Variants in CFAP299 observed in about 807,000 individuals in gnomAD.
CFAP299 encodes the protein cilia- and flagella-associated protein 299.
CFAP299 carries 21 observed loss-of-function variants against 27.0 expected under a neutral mutation model. The ratio of observed to expected loss-of-function variants is 0.78; its 90% confidence interval spans 0.55 to 1.12. The LOEUF is 1.12. Ranked by LOEUF, CFAP299 falls within the 50% of genes most tolerant of loss-of-function variation. CFAP299 has a pLI of 0.00. For synonymous variants in CFAP299, 104 were observed against 98.1 expected, an observed-to-expected ratio of 1.06 and a Z score of -0.36; for missense variants, 310 against 276.6, an observed-to-expected ratio of 1.12 and a Z score of -0.86.
chr4:80,370,814 C>T (rs1337889320), intron 2 of CFAP299, among the ~76,000 whole-genome samples: 1 of 152,244 alleles, frequency 6.6e-6, no homozygotes, highest in African/African-American at 2.4e-5. Context: ...GTGGCTTTTC[C>T]AGGCACAGGG....
chr4:80,851,571 G>C (rs1181403767), intron 3 of CFAP299, among the ~76,000 whole-genome samples: 1 of 152,140 alleles, frequency 6.6e-6, no homozygotes, highest in Non-Finnish European at 1.5e-5. Context: ...AAGAACATCA[G>C]GGTATTTGGG....
chr4:80,844,427 CT>C (rs1015827236), intron 3 of CFAP299, among the ~76,000 whole-genome samples: 45 of 152,246 alleles, frequency 3.0e-4, no homozygotes, highest in Admixed American at 2.2e-3. Context: ...TGTTTCCTGA[CT>C]TTTTAATGAT....
intron 4 of CFAP299, among the ~76,000 whole-genome samples, chr4:80,900,123 AGTGTGTGTGT>A (rs3038537): frequency 5.7e-5 from 8 of 139,894 alleles, no homozygotes; most frequent in South Asian, 2.4e-4. Flanking sequence ...AGTGGAAGAA[AGTGTGTGTGT>A]GTGTGTGTGT....
intron 2 of CFAP299, among the ~76,000 whole-genome samples, chr4:80,527,031 A>G (rs1578555736): frequency 8.2e-6 from 1 of 122,602 alleles, no homozygotes; most frequent in Non-Finnish European, 1.7e-5. Flanking sequence ...TTTCTTATCT[A>G]ATACCTAGGG....
intron 1 of CFAP299, among the ~76,000 whole-genome samples, chr4:80,352,706 T>C (rs1353551259): frequency 7.8e-6 from 1 of 127,920 alleles, no homozygotes; most frequent in East Asian, 2.2e-4. Context: ...ACTGAAATCA[T>C]ACAAAAGTAT....
intron 3 of CFAP299, among the ~76,000 whole-genome samples, chr4:80,659,372 G>T (rs1740718395): frequency 6.6e-6 from 1 of 151,708 alleles, no homozygotes; most frequent in African/African-American, 2.4e-5. Context: ...CACACTGAGA[G>T]ATGATATTTT....
intron 3 of CFAP299, among the ~76,000 whole-genome samples, chr4:80,725,606 A>G (rs1723113780): frequency 6.6e-6 from 1 of 152,210 alleles, no homozygotes; most frequent in African/African-American, 2.4e-5. Context: ...TTCTCTTCAC[A>G]GGTCAGTTTC....
At chr4:80,855,256 G>C (rs1731780370) in intron 3 of CFAP299, among the ~76,000 whole-genome samples, 1 of 152,018 alleles carries the variant, frequency 6.6e-6, no homozygotes, top group Non-Finnish European at 1.5e-5. Flanking sequence ...TCTGAAGTTA[G>C]TATTTTTCAT....
intron 2 of CFAP299, among the ~76,000 whole-genome samples, chr4:80,400,257 G>A (rs1726075323): frequency 6.6e-6 from 1 of 152,012 alleles, no homozygotes; most frequent in Non-Finnish European, 1.5e-5. Context: ...TCAGGCACTG[G>A]GGAGGAGTTT....
chr4:80,757,801 C>T (rs1725324929), intron 3 of CFAP299, among the ~76,000 whole-genome samples: 1 of 151,826 alleles, frequency 6.6e-6, no homozygotes, highest in Admixed American at 6.6e-5. Flanking sequence ...ATTTCCCTGA[C>T]CCCTTTGTGG....
intron 3 of CFAP299, among the ~76,000 whole-genome samples, chr4:80,583,571 T>C (rs1444729345): frequency 6.6e-6 from 1 of 151,918 alleles, no homozygotes; most frequent in African/African-American, 2.4e-5. Context: ...TATAGTACCA[T>C]AGTCTGCCTT....
At chr4:80,571,547 T>G (rs540746516) in intron 2 of CFAP299, among the ~76,000 whole-genome samples, 12 of 152,118 alleles carry the variant, frequency 7.9e-5, no homozygotes, top group Non-Finnish European at 1.8e-4. Flanking sequence ...AGAAAATTAT[T>G]ACATCTTGTT....
chr4:80,736,141 C>G (rs1019874661), intron 3 of CFAP299, among the ~76,000 whole-genome samples: 2 of 152,126 alleles, frequency 1.3e-5, no homozygotes, highest in Non-Finnish European at 2.9e-5. Flanking sequence ...GTGTTTTAGA[C>G]ATGAAGTCCT....
the CFAP299 span, among the ~76,000 whole-genome samples, chr4:80,326,162 G>C: frequency 6.6e-6 from 1 of 152,090 alleles, no homozygotes; most frequent in Non-Finnish European, 1.5e-5. Context: ...TAAGGTGTAT[G>C]TGTTGTGTTC....
intron 3 of CFAP299, among the ~76,000 whole-genome samples, chr4:80,805,178 G>A (rs960308864): frequency 3.3e-5 from 5 of 151,880 alleles, no homozygotes; most frequent in Non-Finnish European, 5.9e-5. Context: ...CATAAATCAG[G>A]AAGAAATATT....
chr4:80,404,207 A>G (rs1726301071), intron 2 of CFAP299, among the ~76,000 whole-genome samples: 1 of 152,022 alleles, frequency 6.6e-6, no homozygotes, highest in Non-Finnish European at 1.5e-5. Context: ...GTAGCAATCT[A>G]AATATATAAT....
At chr4:80,552,279 A>G (rs887577048) in intron 2 of CFAP299, among the ~76,000 whole-genome samples, 2 of 152,220 alleles carry the variant, frequency 1.3e-5, no homozygotes, top group Non-Finnish European at 2.9e-5. Flanking sequence ...GTTACCATAT[A>G]TGATTTCTTA....
chr4:80,339,481 A>G (rs1192336548), intron 1 of CFAP299, among the ~76,000 whole-genome samples: 3 of 152,196 alleles, frequency 2.0e-5, no homozygotes, highest in Non-Finnish European at 4.4e-5. Flanking sequence ...AGAAATGTGG[A>G]AAAAAGGAAA....
chr4:80,870,619 A>G (rs1733028210), intron 4 of CFAP299: 2 of 985,850 alleles, frequency 2.0e-6, no homozygotes, highest in Non-Finnish European at 2.4e-6. Context: ...CTTGCCTTTT[A>G]TTCTAGAACC....
Sources: gnomAD v4.1 joint callset for allele counts (sites outside exome capture counted in the v4.1 genomes callset) on GRCh38, gnomAD v4.1.1 for gene constraint, MANE v1.5 for transcripts, NCBI Gene and HGNC (gene_info 2026-07-23, HGNC 2026-07-21) for gene names.